JAM3: variants seen among roughly 807,000 people sequenced by gnomAD.
The protein encoded by JAM3 is junctional adhesion molecule 3.
A neutral mutation model predicts 39.4 loss-of-function variants in JAM3; 31 were observed. The observed-to-expected ratio is 0.79, with a 90% CI of 0.59 to 1.06. JAM3 has a LOEUF of 1.06. Among genes scored for constraint, JAM3 ranks in the 50% least tolerant of loss-of-function variants. The pLI is 0.00. For synonymous variants in JAM3, 182 were observed against 148.7 expected (o/e 1.22, Z -1.63); for missense variants, 455 against 391.4 (o/e 1.16, Z -1.37).
intron 1 of JAM3, among the ~76,000 whole-genome samples, chr11:134,113,345 C>T (rs1002558167): frequency 6.6e-6 from 1 of 152,064 alleles, no homozygotes; most frequent in African/African-American, 2.4e-5. Flanking sequence ...CTCCCCGCTT[C>T]CCCTACCCCA....
intron 1 of JAM3, among the ~76,000 whole-genome samples, chr11:134,115,873 G>A (rs949580694): frequency 1.3e-5 from 2 of 152,084 alleles, no homozygotes; most frequent in African/African-American, 4.8e-5. Context: ...CTCAAGCCTG[G>A]GTGACAGAAT....
rs180923003 is a variant in JAM3, at chr11:134,084,918, A to G, written c.76+15759A>G. ...ATTGCCACTGGCATTTTTCCCAGCC[A>G]AGGGAACTTGAATTGGGTACATATT... On this transcript the variant is annotated intron_variant, in intron 1 of 8. Transcript: ENST00000299106. Among the ~76,000 whole-genome samples the G allele has an allele frequency of 4.8e-3, 727 of 152,320 alleles. 5 individuals are homozygous for G. The highest frequency in any genetic ancestry group is 8.6e-3 in the Non-Finnish European group (582 of 68,024).
intron 1 of JAM3, among the ~76,000 whole-genome samples, chr11:134,071,762 G>A (rs141623399): frequency 6.6e-6 from 1 of 152,020 alleles, no homozygotes; most frequent in East Asian, 1.9e-4. Flanking sequence ...TTTTAGAATG[G>A]CATATTCTTT....
At chr11:134,091,178 A>G (rs1941842563) in intron 1 of JAM3, among the ~76,000 whole-genome samples, 1 of 151,984 alleles carries the variant, frequency 6.6e-6, no homozygotes, top group Non-Finnish European at 1.5e-5. Context: ...TGGGCAACAC[A>G]GTGAGACCCC....
At chr11:134,141,859 A>C (rs971669192) in intron 3 of JAM3, among the ~76,000 whole-genome samples, 2 of 151,912 alleles carry the variant, frequency 1.3e-5, no homozygotes, top group Non-Finnish European at 2.9e-5. Context: ...AGGCTCGTGC[A>C]TGAGTCGGAG....
chr11:134,072,590 G>A (rs927293807), intron 1 of JAM3, among the ~76,000 whole-genome samples: 1 of 152,338 alleles, frequency 6.6e-6, no homozygotes, highest in East Asian at 1.9e-4. Flanking sequence ...GATTACAGGC[G>A]TGAGCCACCA....
intron 1 of JAM3, among the ~76,000 whole-genome samples, chr11:134,091,323 G>T (rs1202480718): frequency 6.6e-6 from 1 of 151,986 alleles, no homozygotes; most frequent in Non-Finnish European, 1.5e-5. Context: ...GTGAAACCCT[G>T]TCTCTACTAA....
At chr11:134,140,014 C>G (rs1167512974) in intron 2 of JAM3, 98 bp downstream of exon 2, 1 of 984,738 alleles carries the variant, frequency 1.0e-6, no homozygotes, top group African/African-American at 1.6e-5. Flanking sequence ...GTAAGTGTGC[C>G]AGGGAGATGT....
intron 1 of JAM3, among the ~76,000 whole-genome samples, chr11:134,069,503 ATCCCCCGGGTGGGCTCCTCCCAGGCG>A (rs1941452740): frequency 6.7e-6 from 1 of 149,936 alleles, no homozygotes; most frequent in African/African-American, 2.5e-5. Context: ...CGGTGGGCTC[ATCCCCCGGGTGGGCTCCTCCCAGGCG>A]GGGTCCTGTG....
intron 1 of JAM3, among the ~76,000 whole-genome samples, chr11:134,116,636 C>T (rs978067493): frequency 1.3e-5 from 2 of 151,854 alleles, no homozygotes; most frequent in African/African-American, 4.8e-5. Context: ...CTAGAATCAG[C>T]CATTTTTCAG....
At chr11:134,126,834 T>G (rs962701626) in intron 1 of JAM3, among the ~76,000 whole-genome samples, 2 of 152,258 alleles carry the variant, frequency 1.3e-5, no homozygotes, top group African/African-American at 4.8e-5. Context: ...TAAATCCCAC[T>G]GATTATTAGC....
chr11:134,095,877 T>G (rs1941973133), intron 1 of JAM3, among the ~76,000 whole-genome samples: 1 of 152,188 alleles, frequency 6.6e-6, no homozygotes, highest in African/African-American at 2.4e-5. Flanking sequence ...TTTCTAAATG[T>G]TTTTGTCCTT....
At chr11:134,138,878 G>C (rs1029050987) in intron 1 of JAM3, among the ~76,000 whole-genome samples, 1 of 152,186 alleles carries the variant, frequency 6.6e-6, no homozygotes, top group African/African-American at 2.4e-5. Context: ...CATTAAAGAA[G>C]ATAAAGGAAA....
At chr11:134,083,389 T>C (rs1941696786) in intron 1 of JAM3, among the ~76,000 whole-genome samples, 1 of 152,220 alleles carries the variant, frequency 6.6e-6, no homozygotes, top group Admixed American at 6.5e-5. Flanking sequence ...TTGGACTTTA[T>C]GGAAGCCAGA....
At position 134,140,028 on chromosome 11, in the gene JAM3, G is replaced by A. The variant is rs118167491; in HGVS notation, c.142+112G>A. The A allele has an allele frequency of 8.8e-5, 77 of 870,456 alleles. No individual in the cohort carries two copies. In the East Asian group the frequency reaches 1.4e-3, roughly 16 times the overall value. The allele number at this position is 870,456 out of a possible 1,614,324, so 53.9% of individuals were successfully genotyped here. A position where few individuals can be genotyped will look rare whatever the true frequency, so the allele number is the denominator to read the frequency against. On this transcript the variant is annotated intron_variant, in intron 2 of 8. Coordinates refer to ENST00000299106, the MANE Select transcript of JAM3 (RefSeq NM_032801.5). ...TGTAAGTGTGCCAGGGAGATGTTCC[G>A]GGTGGACTGCTCTGCGGTGCACAGG...
intron 1 of JAM3, among the ~76,000 whole-genome samples, chr11:134,093,027 A>G (rs529965827): frequency 7.1e-6 from 1 of 141,500 alleles, no homozygotes; most frequent in East Asian, 2.3e-4. Context: ...TCCTGAGGGA[A>G]GCTTCTCCTG....
intron 1 of JAM3, among the ~76,000 whole-genome samples, chr11:134,080,013 T>G (rs934786300): frequency 7.2e-5 from 11 of 152,238 alleles, no homozygotes; most frequent in African/African-American, 2.7e-4. Context: ...TTTTTAAATC[T>G]ACAGCTTTAC....
chr11:134,118,131 G>T (rs1407130397), intron 1 of JAM3, among the ~76,000 whole-genome samples: 2 of 152,178 alleles, frequency 1.3e-5, no homozygotes, highest in South Asian at 2.1e-4. Context: ...ATTTCCAAAT[G>T]AGTTATTTTA....
intron 1 of JAM3, among the ~76,000 whole-genome samples, chr11:134,132,785 ATGTC>A (rs1298433729): frequency 1.3e-5 from 2 of 152,176 alleles, no homozygotes; most frequent in African/African-American, 4.8e-5. Context: ...ACTCACGAGA[ATGTC>A]TGGGGGGGCC....
Sources: gnomAD v4.1 joint callset for allele counts (sites outside exome capture counted in the v4.1 genomes callset) on GRCh38, gnomAD v4.1.1 for gene constraint, MANE v1.5 for transcripts, NCBI Gene and HGNC (gene_info 2026-07-23, HGNC 2026-07-21) for gene names.